COMMD10: variants seen among roughly 807,000 people sequenced by gnomAD.
COMMD10 encodes COMM domain containing 10.
A neutral mutation model predicts 28.9 loss-of-function variants in COMMD10; 33 were observed. The ratio of observed to expected loss-of-function variants is 1.14; its 90% CI spans 0.87 to 1.53. The LOEUF (loss-of-function observed/expected upper bound fraction) is 1.53. Among genes scored for constraint, COMMD10 ranks in the 40% most tolerant of loss-of-function variants. COMMD10 has a pLI of 0.00. For synonymous variants in COMMD10, 110 were observed against 81.7 expected (o/e 1.35, Z -1.87); for missense variants, 310 against 233.4 (o/e 1.33, Z -2.14).
intron 4 of COMMD10, among the ~76,000 whole-genome samples, chr5:116,094,756 A>G (rs1750414922): frequency 6.6e-6 from 1 of 152,212 alleles, no homozygotes. Flanking sequence ...AATAGCAAAG[A>G]TAAGAAATCA....
intron 5 of COMMD10, among the ~76,000 whole-genome samples, chr5:116,272,715 C>A (rs1297049406): frequency 6.6e-6 from 1 of 151,776 alleles, no homozygotes; most frequent in Non-Finnish European, 1.5e-5. Context: ...ATTGAAAGCT[C>A]TGTTCTTGTC....
At chr5:116,226,830 C>T (rs1305585755) in intron 5 of COMMD10, among the ~76,000 whole-genome samples, 1 of 151,928 alleles carries the variant, frequency 6.6e-6, no homozygotes, top group Non-Finnish European at 1.5e-5. Flanking sequence ...CAAGGATATT[C>T]CTATTTTCTG....
In COMMD10 at chr5:116,094,670, G is replaced by A. The variant is rs1750412107; in HGVS notation, c.399+1970G>A. Among the ~76,000 whole-genome samples the A allele has an allele frequency of 2.0e-5, 3 of 152,246 alleles. No individual in the cohort carries two copies. The South Asian group carries it at 6.2e-4, about 32-fold the overall frequency. On this transcript the variant is annotated intron_variant, in intron 4 of 6. Transcript: ENST00000274458. ...CACAGTCCAGTAATTCCACTACTTGGTATATATTCAAAGGAAAGGAAATCG... is the reference window on the plus strand; with the variant it reads ...CACAGTCCAGTAATTCCACTACTTGATATATATTCAAAGGAAAGGAAATCG...
Position 116,087,560 on chromosome 5 carries a change from T to C in COMMD10, c.105T>C (p.Thr35=). 1 of 1,611,390 alleles carries C rather than the reference T, an allele frequency of 6.2e-7. No homozygotes were observed. Among genetic ancestry groups the C allele is most frequent in the Non-Finnish European group, 8.5e-7 (1 of 1,177,456 alleles). The change falls in exon 2 of 7, where the codon ACT becomes ACC. Residue 35 remains threonine (T), a synonymous_variant. Transcript: ENST00000274458. ...IDTGRFPRLL[T]RILQKLHLKA... ...CAGGAAGATTTCCACGGTTGCTCACTCGGATTCTTCAAAAACTTCACCTGA... is the reference window on the plus strand; with the variant it reads ...CAGGAAGATTTCCACGGTTGCTCACCCGGATTCTTCAAAAACTTCACCTGA...
At chr5:116,108,431 CTTTTTGAGCTGCAG>C (rs1750916663) in intron 4 of COMMD10, among the ~76,000 whole-genome samples, 1 of 52,168 alleles carries the variant, frequency 1.9e-5, no homozygotes, top group African/African-American at 5.8e-5. Context: ...GCTGCAGTGG[CTTTTTGAGCTGCAG>C]TGGGCTCTGC....
At chr5:116,158,079 C>T (rs1331286291) in intron 5 of COMMD10, among the ~76,000 whole-genome samples, 1 of 151,626 alleles carries the variant, frequency 6.6e-6, no homozygotes, top group Non-Finnish European at 1.5e-5. Context: ...TGTTAACTCT[C>T]CAAGGCCTTC....
intron 5 of COMMD10, among the ~76,000 whole-genome samples, chr5:116,163,337 C>T (rs929551681): frequency 1.3e-5 from 2 of 149,582 alleles, no homozygotes; most frequent in Non-Finnish European, 2.9e-5. Flanking sequence ...GTACTTCCAG[C>T]ACTTTGGGAG....
chr5:116,275,702 T>G (rs1580604990), intron 5 of COMMD10, among the ~76,000 whole-genome samples: 1 of 151,692 alleles, frequency 6.6e-6, no homozygotes. Flanking sequence ...ATGGCTTAAT[T>G]TGCACTCAAA....
chr5:116,224,727 A>T (rs1404995576), intron 5 of COMMD10, among the ~76,000 whole-genome samples: 1 of 152,134 alleles, frequency 6.6e-6, no homozygotes, highest in Non-Finnish European at 1.5e-5. Flanking sequence ...CTATTTCAAC[A>T]TGAGGTTTGG....
intron 4 of COMMD10, among the ~76,000 whole-genome samples, chr5:116,130,363 G>A (rs1751824000): frequency 6.6e-6 from 1 of 151,910 alleles, no homozygotes; most frequent in African/African-American, 2.4e-5. Context: ...AAAATAAAGT[G>A]AGGCAAGTAG....
intron 4 of COMMD10, among the ~76,000 whole-genome samples, chr5:116,105,153 T>G (rs949262626): frequency 4.5e-4 from 68 of 151,904 alleles, no homozygotes; most frequent in Admixed American, 4.1e-3. Flanking sequence ...TTATTGAGAG[T>G]TTTTTTTAGC....
chr5:116,200,543 A>G (rs768599063), intron 5 of COMMD10, among the ~76,000 whole-genome samples: 12 of 151,568 alleles, frequency 7.9e-5, no homozygotes, highest in East Asian at 1.9e-4. Flanking sequence ...TTCTTCTACA[A>G]TTTTTATCAC....
At chr5:116,105,094 G>C (rs1750795794) in intron 4 of COMMD10, among the ~76,000 whole-genome samples, 1 of 152,186 alleles carries the variant, frequency 6.6e-6, no homozygotes, top group Non-Finnish European at 1.5e-5. Context: ...GTTGTGGGTT[G>C]TCATGAATAG....
At chr5:116,129,301 C>T (rs1183739785) in intron 4 of COMMD10, among the ~76,000 whole-genome samples, 1 of 148,334 alleles carries the variant, frequency 6.7e-6, no homozygotes, top group Non-Finnish European at 1.5e-5. Flanking sequence ...ACCTGTCTCA[C>T]AGGGTTGTTA....
chr5:116,182,784 C>T (rs1445374521), intron 5 of COMMD10, among the ~76,000 whole-genome samples: 2 of 151,918 alleles, frequency 1.3e-5, no homozygotes, highest in Admixed American at 6.6e-5. Flanking sequence ...GTCTCCTCAC[C>T]CAAAATCTCA....
intron 5 of COMMD10, among the ~76,000 whole-genome samples, chr5:116,151,759 T>C (rs925704529): frequency 6.6e-6 from 1 of 152,212 alleles, no homozygotes; most frequent in African/African-American, 2.4e-5. Context: ...TCTTCTTTAT[T>C]AGTCTTGCTA....
At chr5:116,099,233 T>A (rs182448283) in intron 4 of COMMD10, among the ~76,000 whole-genome samples, 1 of 152,344 alleles carries the variant, frequency 6.6e-6, no homozygotes, top group East Asian at 1.9e-4. Context: ...TTTGTCTTTC[T>A]GTGCCTGGCT....
intron 5 of COMMD10, among the ~76,000 whole-genome samples, chr5:116,168,099 A>G (rs1008397817): frequency 2.0e-5 from 3 of 151,430 alleles, no homozygotes; most frequent in African/African-American, 4.9e-5. Flanking sequence ...CTCGTGTGCA[A>G]AGACACACAT....
intron 5 of COMMD10, among the ~76,000 whole-genome samples, chr5:116,230,949 A>G (rs1476152146): frequency 6.6e-6 from 1 of 152,158 alleles, no homozygotes. Flanking sequence ...CTGATTTCAG[A>G]TACAGTTTCA....
Sources: gnomAD v4.1 joint callset for allele counts (sites outside exome capture counted in the v4.1 genomes callset) on GRCh38, gnomAD v4.1.1 for gene constraint, MANE v1.5 for transcripts, NCBI Gene and HGNC (gene_info 2026-07-23, HGNC 2026-07-21) for gene names.